FAT4: variants seen among roughly 807,000 people sequenced by gnomAD.
The protein encoded by FAT4 is FAT atypical cadherin 4, also known as protocadherin Fat 4.
A neutral mutation model predicts 303.9 loss-of-function variants in FAT4; 84 were observed. The ratio of observed to expected loss-of-function variants is 0.28; its 90% CI spans 0.23 to 0.33. FAT4 has a LOEUF of 0.33. FAT4 is among the 10% of genes least tolerant of loss of function. The pLI is 1.00. For missense variants in FAT4, 6,005 were observed against 6,146.8 expected, an observed-to-expected ratio of 0.98 and a Z score of 0.77; for synonymous variants, 2,307 against 2,298.8, an observed-to-expected ratio of 1.00 and a Z score of -0.10.
chr4:125,355,135 C>T (rs1012464207), intron 2 of FAT4, among the ~76,000 whole-genome samples: 1 of 151,652 alleles, frequency 6.6e-6, no homozygotes, highest in Non-Finnish European at 1.5e-5. Context: ...TTTTAGAGAA[C>T]CTTCATATGA....
At position 125,318,615 on chromosome 4, in the gene FAT4, G is replaced by A. The variant is rs376468352; in HGVS notation, c.2204G>A (p.Arg735Gln). 13 of 1,614,008 alleles carry A rather than the reference G, an allele frequency of 8.1e-6. No individual in the cohort carries two copies. Among genetic ancestry groups the A allele is most frequent in the East Asian group, 2.2e-5 (1 of 44,882 alleles). The change falls in exon 2 of 18, where the codon CGG (arginine) becomes CAG (glutamine). Residue 735 changes from arginine (R) to glutamine (Q), a missense_variant. Arg to Gln is a conservative substitution (Grantham distance 43). Transcript: ENST00000394329. ...AGCATATCTGCTGGGGACAGGTCTC[G>A]GTTTCAGGTCAATGCTCAGAGTGGG... ...KYSISAGDRS[R>Q]FQVNAQSGVI... is the part of the protein sequence containing the mutation.
chr4:125,477,032 T>G, intron 13 of FAT4, 123 bp from the exon 14 acceptor site: 1 of 685,614 alleles, frequency 1.5e-6, no homozygotes, highest in South Asian at 6.2e-5. Context: ...TATTTTCCAT[T>G]GAAATTTATC....
In FAT4 at chr4:125,355,270, A is replaced by G. The variant is rs1471308685; in HGVS notation, c.5175+33684A>G. Among the ~76,000 whole-genome samples the G allele has an allele frequency of 4.6e-5, 7 of 151,986 alleles. No individual in the cohort carries two copies. The South Asian group carries it at 1.5e-3, about 31-fold the overall frequency. On this transcript the variant is annotated intron_variant, in intron 2 of 17. Coordinates refer to ENST00000394329, the MANE Select transcript of FAT4 (RefSeq NM_001291303.3). Reference sequence around the variant, plus strand: ...AACATATTTACATCTCTAAAGTAAAATTAGTTTCTAAGGTGGATATGAGAG... The same window carrying G: ...AACATATTTACATCTCTAAAGTAAAGTTAGTTTCTAAGGTGGATATGAGAG...
At chr4:125,416,363 A>G in intron 6 of FAT4, 85 bp from the exon 7 acceptor site, 1 of 1,198,950 alleles carries the variant, frequency 8.3e-7, no homozygotes, top group Non-Finnish European at 1.2e-6. Flanking sequence ...ACATAGTTTT[A>G]CCTCATTTTT....
chr4:125,446,586 A>G (rs761642831), intron 9 of FAT4, 43 bp downstream of exon 9: 41 of 1,478,400 alleles, frequency 2.8e-5, no homozygotes, highest in Non-Finnish European at 3.5e-5. Context: ...TAAACAAACT[A>G]TGTATCAGAC....
At chr4:125,377,669 A>G (rs936420369) in intron 2 of FAT4, among the ~76,000 whole-genome samples, 4 of 152,122 alleles carry the variant, frequency 2.6e-5, no homozygotes, top group African/African-American at 9.6e-5. Flanking sequence ...TTGGAGTTTT[A>G]TAGGTAAAAT....
chr4:125,328,899 C>G (rs1198893981), intron 2 of FAT4, among the ~76,000 whole-genome samples: 1 of 152,116 alleles, frequency 6.6e-6, no homozygotes, highest in Non-Finnish European at 1.5e-5. Flanking sequence ...ATGATTATTT[C>G]TATACATTTG....
chr4:125,342,015 G>A (rs529373557), intron 2 of FAT4, among the ~76,000 whole-genome samples: 2 of 151,780 alleles, frequency 1.3e-5, no homozygotes, highest in African/African-American at 2.4e-5. Context: ...TGTGAAGAAA[G>A]GTGACAGGAA....
rs1043059700 is a variant in FAT4, at chr4:125,344,284, T to C, written c.5175+22698T>C. ...TGGATTTCCCAACTACCTTGAAGAATTGAGAAGCAAATTTATTAGGTGAAT... is the reference window on the plus strand; with the variant it reads ...TGGATTTCCCAACTACCTTGAAGAACTGAGAAGCAAATTTATTAGGTGAAT... On this transcript the variant is annotated intron_variant, in intron 2 of 17. Coordinates refer to ENST00000394329, the MANE Select transcript of FAT4 (RefSeq NM_001291303.3). Among the ~76,000 whole-genome samples, 194 of 152,286 alleles carry C rather than the reference T, an allele frequency of 1.3e-3. 1 individual carries two copies. Among genetic ancestry groups the C allele is most frequent in the African/African-American group, 4.4e-3 (184 of 41,572 alleles).
intron 12 of FAT4, among the ~76,000 whole-genome samples, chr4:125,470,310 G>A (rs1726812905): frequency 6.6e-6 from 1 of 152,180 alleles, no homozygotes; most frequent in Non-Finnish European, 1.5e-5. Flanking sequence ...TGGAAAAGGA[G>A]CACTGGTTTC....
In FAT4 at chr4:125,450,251, G is replaced by A. The variant is rs1726004020; in HGVS notation, c.9241G>A (p.Val3081Ile). The A allele has an allele frequency of 6.2e-7, 1 of 1,614,068 alleles. No individual in the cohort carries two copies. The highest frequency in any genetic ancestry group is 2.2e-5 in the East Asian group (1 of 44,866). The change falls in exon 10 of 18, where the codon GTC (valine) becomes ATC (isoleucine). Residue 3081 changes from valine to isoleucine, a missense_variant. Val to Ile is a conservative substitution (Grantham distance 29, BLOSUM62 3). Transcript: ENST00000394329. Reference sequence around the variant, plus strand: ...TTCCCAAGCAACTGTTCACATAACTGTCACTGAGGAAAACTACCATACACC... The same window carrying A: ...TTCCCAAGCAACTGTTCACATAACTATCACTGAGGAAAACTACCATACACC... Reference protein sequence around the residue: ...LSSQATVHITVTEENYHTPEF... With the variant: ...LSSQATVHITITEENYHTPEF...
chr4:125,323,043 C>A (rs1487060123), intron 2 of FAT4, among the ~76,000 whole-genome samples: 1 of 152,048 alleles, frequency 6.6e-6, no homozygotes, highest in Non-Finnish European at 1.5e-5. Context: ...ACCCACAATC[C>A]TCTCTCTAAC....
chr4:125,383,055 G>A lies in FAT4; in HGVS notation c.5176-15729G>A, dbSNP rs781478349. The stretch of plus-strand genomic sequence containing the variant: ...GGGAATGTTGTGGTTAGTTTTCTTC[G>A]TGTCAGCAATAAGGCTGTTTTGTTT... On this transcript the variant is annotated intron_variant, in intron 2 of 17. Coordinates refer to ENST00000394329, the MANE Select transcript of FAT4 (RefSeq NM_001291303.3). 1.4e-4 allele frequency among the ~76,000 whole-genome samples: 21 copies of A among 152,164 alleles called. No homozygotes were observed. In the East Asian group the frequency reaches 1.7e-3, roughly 13 times the overall value.
intron 2 of FAT4, among the ~76,000 whole-genome samples, chr4:125,391,510 G>C (rs1733978731): frequency 6.6e-6 from 1 of 152,068 alleles, no homozygotes; most frequent in South Asian, 2.1e-4. Flanking sequence ...ACACACCAAG[G>C]CTTGTTGGGG....
At chr4:125,371,509 T>A (rs1490560999) in intron 2 of FAT4, among the ~76,000 whole-genome samples, 3 of 151,780 alleles carry the variant, frequency 2.0e-5, no homozygotes, top group Non-Finnish European at 4.4e-5. Context: ...CATGATTTCA[T>A]GCCATCTGCT....
intron 11 of FAT4, among the ~76,000 whole-genome samples, chr4:125,467,995 T>A (rs1726725072): frequency 6.6e-6 from 1 of 151,924 alleles, no homozygotes; most frequent in Non-Finnish European, 1.5e-5. Context: ...TGAAATCTCG[T>A]CTCTATTAAA....
intron 2 of FAT4, among the ~76,000 whole-genome samples, chr4:125,368,129 G>A (rs1445655339): frequency 6.6e-6 from 1 of 152,108 alleles, no homozygotes; most frequent in Non-Finnish European, 1.5e-5. Context: ...TGTTGGCAAA[G>A]AATATAGAGG....
chr4:125,366,881 G>A (rs1357525107), intron 2 of FAT4, among the ~76,000 whole-genome samples: 1 of 151,776 alleles, frequency 6.6e-6, no homozygotes, highest in Non-Finnish European at 1.5e-5. Context: ...TATGCTTGTT[G>A]GCCATATGTA....
In FAT4 at chr4:125,416,513, T is replaced by C. The variant is rs757756221; in HGVS notation, c.6909T>C (p.Asn2303=). The C allele has an allele frequency of 6.2e-6, 10 of 1,614,028 alleles. No individual in the cohort carries two copies. The African/African-American group carries it at 1.1e-4, about 17-fold the overall frequency. Residue 2303 remains asparagine (N), a synonymous_variant, in exon 7 of 18, where the codon AAT becomes AAC. Transcript: ENST00000394329. ...TCTCATATGTTCTGTTTGGTGGTAA[T>C]GAAGACAATGCTTTTACTCTCTCAG... ...SKLSYVLFGG[N]EDNAFTLSAS...
Sources: gnomAD v4.1 joint callset for allele counts (sites outside exome capture counted in the v4.1 genomes callset) on GRCh38, gnomAD v4.1.1 for gene constraint, MANE v1.5 for transcripts, NCBI Gene and HGNC (gene_info 2026-07-23, HGNC 2026-07-21) for gene names.